The following GNG7 variants were observed in gnomAD, a reference collection of about 807,000 sequenced individuals.
The protein encoded by GNG7 is guanine nucleotide-binding protein G(I)/G(S)/G(O) subunit gamma-7.
A neutral mutation model predicts 4.0 loss-of-function variants in GNG7; 1 was observed. The ratio of observed to expected loss-of-function variants is 0.25; its 90% confidence interval spans 0.09 to 1.18. The LOEUF (loss-of-function observed/expected upper bound fraction) is 1.18, where lower values mean the gene tolerates loss of function less well. Ranked by LOEUF, GNG7 falls within the 50% of genes most tolerant of loss-of-function variation. The probability of loss-of-function intolerance (pLI) is 0.50; values close to 1 mark genes in which losing one functional copy is unlikely to be tolerated. For synonymous variants in GNG7, 34 were observed against 36.9 expected (o/e 0.92, Z 0.29); for missense variants, 86 against 91.9 (o/e 0.94, Z 0.26).
At chr19:2,660,570 C>G (rs1430079894) in intron 1 of GNG7, among the ~76,000 whole-genome samples, 2 of 151,646 alleles carry the variant, frequency 1.3e-5, no homozygotes, top group African/African-American at 4.9e-5. Context: ...GAGTTCAAGA[C>G]CAGCCTGGGC....
At position 2,514,762 on chromosome 19, in the gene GNG7, T is replaced by C; in HGVS notation, c.*260A>G. 1 of 316,096 alleles carries C rather than the reference T, an allele frequency of 3.2e-6. No homozygotes were observed. The allele number at this position is 316,096 out of a possible 1,614,324, so 19.6% of individuals were successfully genotyped here. ...GAAGTGGCCGTAAAGCCTCCATCCC[T>C]TTTGGCCCAAACTGAGAGGGCCATG... On this transcript the variant is annotated 3_prime_UTR_variant, in exon 5 of 5. Transcript: ENST00000382159.
At chr19:2,694,655 C>T (rs770082533) in intron 1 of GNG7, among the ~76,000 whole-genome samples, 4 of 152,142 alleles carry the variant, frequency 2.6e-5, no homozygotes, top group African/African-American at 7.3e-5. Context: ...CTCCTCTCTC[C>T]CTCCCCACTC....
At chr19:2,677,235 A>T (rs1046387667) in intron 1 of GNG7, among the ~76,000 whole-genome samples, 6 of 145,190 alleles carry the variant, frequency 4.1e-5, no homozygotes, top group Non-Finnish European at 1.5e-5. Flanking sequence ...AGGATGCCAC[A>T]GGGGAGCAGA....
intron 1 of GNG7, among the ~76,000 whole-genome samples, chr19:2,657,379 T>A (rs866534473): frequency 0.044 from 3,108 of 70,898 alleles, 474 homozygotes; most frequent in Non-Finnish European, 0.074. Context: ...TATATATATA[T>A]ATATATATAT....
chr19:2,640,551 T>C (rs886843029), intron 2 of GNG7, among the ~76,000 whole-genome samples: 2 of 152,166 alleles, frequency 1.3e-5, no homozygotes, highest in Non-Finnish European at 2.9e-5. Flanking sequence ...CTTGGCAAGA[T>C]GCTGAGGCCC....
intron 2 of GNG7, among the ~76,000 whole-genome samples, chr19:2,596,354 G>A (rs1429233052): frequency 9.8e-6 from 1 of 102,506 alleles, no homozygotes; most frequent in Non-Finnish European, 2.1e-5. Flanking sequence ...GTGAGAGTCG[G>A]TCCCTAAAAT....
At chr19:2,651,244 C>CA (rs1982805213) in intron 1 of GNG7, among the ~76,000 whole-genome samples, 1 of 76,436 alleles carries the variant, frequency 1.3e-5, no homozygotes, top group Admixed American at 1.7e-4. Context: ...TCCTTCCTTC[C>CA]TTTCCTTCCT....
intron 2 of GNG7, among the ~76,000 whole-genome samples, chr19:2,560,586 C>T (rs138953571): frequency 2.2e-3 from 330 of 152,130 alleles, no homozygotes; most frequent in Non-Finnish European, 3.5e-3. Flanking sequence ...GCGGACGCTG[C>T]GGTGCCCAGG....
chr19:2,549,418 G>C (rs1979244130), intron 3 of GNG7, among the ~76,000 whole-genome samples: 1 of 151,944 alleles, frequency 6.6e-6, no homozygotes, highest in Non-Finnish European at 1.5e-5. Flanking sequence ...AGCCTCCTGA[G>C]TAGCTGAGAT....
intron 3 of GNG7, chr19:2,538,887 A>G (rs113360665): frequency 0.18 from 37,018 of 210,508 alleles, 4,091 homozygotes; most frequent in Non-Finnish European, 0.24. Context: ...TCCTGCCTCA[A>G]CCTCCCGAGT....
At chr19:2,604,139 C>T (rs1981301892) in intron 2 of GNG7, among the ~76,000 whole-genome samples, 1 of 151,678 alleles carries the variant, frequency 6.6e-6, no homozygotes, top group African/African-American at 2.4e-5. Context: ...CGTGAGCCAC[C>T]GTGCCGGGTC....
intron 4 of GNG7, among the ~76,000 whole-genome samples, chr19:2,515,868 G>A (rs1300965720): frequency 2.6e-5 from 4 of 151,962 alleles, no homozygotes; most frequent in Admixed American, 6.6e-5. Context: ...TGGAATAAAC[G>A]TGATTGGATG....
At chr19:2,637,249 T>C (rs1415187035) in intron 2 of GNG7, among the ~76,000 whole-genome samples, 2 of 151,426 alleles carry the variant, frequency 1.3e-5, no homozygotes, top group Non-Finnish European at 2.9e-5. Flanking sequence ...TTTGCTGTTG[T>C]CGTTGTTGTT....
Position 2,618,516 on chromosome 19 carries a change from T to G in GNG7, c.-78+27708A>C, listed in dbSNP as rs1208214769. 6.6e-6 allele frequency among the ~76,000 whole-genome samples: 1 copy of G among 151,920 alleles called. No homozygotes were observed. Among genetic ancestry groups the G allele is most frequent in the Non-Finnish European group, 1.5e-5 (1 of 67,980 alleles). ...GGCACGTGCCACCACACCCACCTAA[T>G]TTTTGTATTTTCAGTGGAGACGGGG... On this transcript the variant is annotated intron_variant, in intron 2 of 4. Coordinates refer to ENST00000382159, the MANE Select transcript of GNG7 (RefSeq NM_052847.3). This position sits in a 1 kb window ranked among gnomAD's most constrained non-coding sequence, Gnocchi z 5.1.
intron 3 of GNG7, among the ~76,000 whole-genome samples, chr19:2,554,560 T>TA (rs199822641): frequency 0.34 from 21,697 of 63,286 alleles, 1,620 homozygotes; most frequent in East Asian, 0.45. Context: ...TATATATATA[T>TA]TTTTTTTTTT....
In GNG7 at chr19:2,587,905, G is replaced by GAA. The variant is rs1980724802; in HGVS notation, c.-77-32719_-77-32718dup. On this transcript the variant is annotated intron_variant, in intron 2 of 4. Transcript: ENST00000382159. ...AAGGAAGGAAGGAAAGAAAAGAAAA[G>GAA]AAGGAGAGAGAGAGAGAAGGAAGGA... is the stretch of plus-strand genomic sequence containing the variant. 2.4e-4 allele frequency among the ~76,000 whole-genome samples: 37 copies of GAA among 151,038 alleles called. 1 individual carries two copies. Among genetic ancestry groups the GAA allele is most frequent in the Admixed American group, 2.4e-3 (36 of 15,042 alleles).
Position 2,609,893 on chromosome 19 carries a change from G to A in GNG7, c.-78+36331C>T, listed in dbSNP as rs1187351014. ...CTTCTGGAGCTCCCTGACCACGAGT[G>A]AGGAAATTGAACGGTACAGGAAAAG... On this transcript the variant is annotated intron_variant, in intron 2 of 4. Transcript: ENST00000382159. This position sits in a 1 kb window ranked among gnomAD's most constrained non-coding sequence, Gnocchi z 4.4. Among the ~76,000 whole-genome samples, 1 of 152,148 alleles carries A rather than the reference G, an allele frequency of 6.6e-6. No individual in the cohort carries two copies. Among genetic ancestry groups the A allele is most frequent in the Non-Finnish European group, 1.5e-5 (1 of 68,036 alleles).
intron 3 of GNG7, among the ~76,000 whole-genome samples, chr19:2,539,574 G>A (rs771717315): frequency 3.9e-5 from 6 of 152,018 alleles, no homozygotes; most frequent in Non-Finnish European, 7.4e-5. Context: ...CAAAGCGCTG[G>A]GATTACAGGC....
intron 3 of GNG7, among the ~76,000 whole-genome samples, chr19:2,550,655 C>G (rs138320952): frequency 6.6e-6 from 1 of 152,186 alleles, no homozygotes; most frequent in South Asian, 2.1e-4. Context: ...TGAGGGACCA[C>G]CAGCTGCTCT....
Sources: gnomAD v4.1 joint callset for allele counts (sites outside exome capture counted in the v4.1 genomes callset) on GRCh38, gnomAD v4.1.1 for gene constraint, Gnocchi (gnomAD v3.1) non-coding constraint, MANE v1.5 for transcripts, NCBI Gene and HGNC (gene_info 2026-07-23, HGNC 2026-07-21) for gene names.